The following IGSF9 variants were observed in gnomAD, a reference collection of about 807,000 sequenced individuals.
The protein encoded by IGSF9 is immunoglobulin superfamily member 9.
A neutral mutation model predicts 121.7 loss-of-function variants in IGSF9; 87 were observed. The ratio of observed to expected loss-of-function variants is 0.71; its 90% CI spans 0.60 to 0.85. IGSF9 has a LOEUF of 0.85. Ranked by LOEUF, IGSF9 falls within the 40% of genes least tolerant of loss-of-function variation. IGSF9 has a pLI of 0.00. For synonymous variants in IGSF9, 640 were observed against 648.4 expected (o/e 0.99, Z 0.20); for missense variants, 1,462 against 1,565.3 (o/e 0.93, Z 1.11).
intron 3 of IGSF9, among the ~76,000 whole-genome samples, chr1:159,942,031 G>T (rs1651398467): frequency 6.6e-6 from 1 of 152,256 alleles, no homozygotes; most frequent in South Asian, 2.1e-4. Context: ...AGAGGGAAAA[G>T]GTGGGGGTCT....
intron 3 of IGSF9, 52 bp from the exon 4 acceptor site, chr1:159,937,890 C>T: frequency 5.1e-6 from 8 of 1,570,694 alleles, no homozygotes; most frequent in Non-Finnish European, 6.1e-6. Context: ...ATGGAAGCCC[C>T]AGTCCCCTGG....
At position 159,930,344 on chromosome 1, in the gene IGSF9, G is replaced by A. The variant is rs1480973609; in HGVS notation, c.1909C>T (p.Arg637Trp). 2.5e-6 allele frequency: 4 copies of A among 1,608,220 alleles called. No individual in the cohort carries two copies. The South Asian group carries it at 3.3e-5, about 13-fold the overall frequency. Residue 637 changes from arginine to tryptophan, a missense_variant, in exon 15 of 21, where the codon CGG (arginine) becomes TGG (tryptophan). By Grantham distance (101) the Arg-to-Trp change is moderately radical (BLOSUM62 -3). Transcript: ENST00000368094. ...PRGLVAVRTP[R>W]GVLLHWDPPE... The stretch of plus-strand genomic sequence containing the variant: ...GGATCCCAATGCAGGAGTACCCCCC[G>A]GGGTGTCCTCACTGCCACCAGACCC...
chr1:159,929,775 A>G lies in IGSF9; in HGVS notation c.2189T>C (p.Leu730Pro), dbSNP rs1176407707. 2 of 1,606,624 alleles carry G rather than the reference A, an allele frequency of 1.2e-6. No individual in the cohort carries two copies. The highest frequency in any genetic ancestry group is 2.7e-5 in the African/African-American group (2 of 74,852). Reference protein sequence around the residue: ...VYPSRTQLPGLLPQPVLAGVV... With the variant: ...VYPSRTQLPGPLPQPVLAGVV... ...GCCGGCCAGCACGGGCTGAGGCAGG[A>G]GGCCCGGCAGCTGCGTGCGCGAAGG... is the stretch of plus-strand genomic sequence containing the variant. The change falls in exon 17 of 21, where the codon CTC becomes CCC. Residue 730 changes from leucine to proline, a missense_variant. Leu to Pro is a moderately conservative substitution (Grantham distance 98). Coordinates refer to ENST00000368094, the MANE Select transcript of IGSF9 (RefSeq NM_001135050.2).
chr1:159,942,723 A>G (rs997234027), intron 3 of IGSF9, among the ~76,000 whole-genome samples: 1 of 148,868 alleles, frequency 6.7e-6, no homozygotes, highest in Non-Finnish European at 1.5e-5. Flanking sequence ...AGTCCTAAAT[A>G]GCACAGCTAT....
In IGSF9 at chr1:159,929,793, C is replaced by A; in HGVS notation, c.2171G>T (p.Arg724Leu). The change falls in exon 17 of 21, where the codon CGC (arginine) becomes CTC (leucine). Residue 724 changes from arginine (R) to leucine (L), a missense_variant. By Grantham distance (102) the Arg-to-Leu change is moderately radical (BLOSUM62 -2). Transcript: ENST00000368094. ...AGGCAGGAGGCCCGGCAGCTGCGTG[C>A]GCGAAGGGTAGACCTCCAGACCTAG... ...STSGLEVYPS[R>L]TQLPGLLPQP... The A allele has an allele frequency of 6.2e-7, 1 of 1,605,438 alleles. No homozygotes were observed. The highest frequency in any genetic ancestry group is 8.5e-7 in the Non-Finnish European group (1 of 1,176,880).
Position 159,929,521 on chromosome 1 carries a change from G to C in IGSF9, c.2326+117C>G, listed in dbSNP as rs774568418. On this transcript the variant is annotated intron_variant, in intron 17 of 20. Coordinates refer to ENST00000368094, the MANE Select transcript of IGSF9 (RefSeq NM_001135050.2). ...AAAAGCGTAGGCAGGACCAGATGCA[G>C]GACTAAGAGAATGCACCTGGATCAC... 25 of 1,478,216 alleles carry C rather than the reference G, an allele frequency of 1.7e-5. No homozygotes were observed. The East Asian group carries it at 5.6e-4, about 33-fold the overall frequency. The allele number at this position is 1,478,216 out of a possible 1,614,324, so 91.6% of individuals were successfully genotyped here.
At chr1:159,943,332 G>A (rs1651467068) in intron 2 of IGSF9, 65 bp downstream of exon 2, 23 of 1,446,842 alleles carry the variant, frequency 1.6e-5, no homozygotes, top group Non-Finnish European at 2.1e-5. Context: ...AGGAACCCTT[G>A]AGGAACACCC....
In IGSF9 at chr1:159,937,031, G is replaced by T; in HGVS notation, c.401-123C>A. On this transcript the variant is annotated intron_variant, in intron 4 of 20. Coordinates refer to ENST00000368094, the MANE Select transcript of IGSF9 (RefSeq NM_001135050.2). ...CCCACCCACCAGCCCTGCCTCATAGGAGTCCTCAGCCCAGGGCCACCCTGT... is the reference window on the plus strand; with the variant it reads ...CCCACCCACCAGCCCTGCCTCATAGTAGTCCTCAGCCCAGGGCCACCCTGT... 3.1e-6 allele frequency: 3 copies of T among 965,962 alleles called. No homozygotes were observed. In the South Asian group the frequency reaches 4.8e-5, roughly 15 times the overall value. 59.8% of individuals were successfully genotyped at this position (965,962 alleles called of 1,614,324 possible). A position where few individuals can be genotyped will look rare whatever the true frequency, so the allele number is the denominator to read the frequency against.
chr1:159,934,390 G>C (rs1004634697), intron 8 of IGSF9, 35 bp downstream of exon 8: 49 of 1,568,184 alleles, frequency 3.1e-5, no homozygotes, highest in Non-Finnish European at 4.0e-5. Context: ...CAGGGGAAGG[G>C]AGCAGGCTGA....
At chr1:159,936,648 A>C in intron 5 of IGSF9, 106 bp downstream of exon 5, 1 of 1,535,010 alleles carries the variant, frequency 6.5e-7, no homozygotes. Flanking sequence ...CTTCTGGCCC[A>C]TCCTCCAGCC....
chr1:159,939,940 G>A (rs575501911), intron 3 of IGSF9, among the ~76,000 whole-genome samples: 15 of 152,242 alleles, frequency 9.9e-5, no homozygotes, highest in Non-Finnish European at 1.6e-4. Context: ...TGGCCGCTAA[G>A]CCCTGCAGAC....
Position 159,932,727 on chromosome 1 carries a change from G to C in IGSF9, c.1105-75C>G. 2.1e-6 allele frequency: 3 copies of C among 1,461,050 alleles called. No homozygotes were observed. The highest frequency in any genetic ancestry group is 1.8e-4 in the Middle Eastern group (1 of 5,534). The allele number at this position is 1,461,050 out of a possible 1,614,324, so 90.5% of individuals were successfully genotyped here. ...AGCCCGGGATGGCAGTACAAGAGAG[G>C]GGGCAGGATGAGAAACCCACAGCTG... On this transcript the variant is annotated intron_variant, in intron 9 of 20. Transcript: ENST00000368094. This position sits in a 1 kb window ranked among gnomAD's most constrained non-coding sequence, Gnocchi z 4.1.
chr1:159,934,294 G>T lies in IGSF9; in HGVS notation c.1000C>A (p.Leu334Met). The T allele has an allele frequency of 6.2e-7, 1 of 1,610,666 alleles. No homozygotes were observed. Among genetic ancestry groups the T allele is most frequent in the Non-Finnish European group, 8.5e-7 (1 of 1,178,368 alleles). ...ATCACCCCCGGCATGCCTATGGGCA[G>T]GGGTGTCTCAGGAGGCATAGCTGTC... ...QVTAMPPETP[L>M]PIGMPGVIRC... The change falls in exon 9 of 21, where the codon CTG becomes ATG. Residue 334 changes from leucine to methionine, a missense_variant. By Grantham distance (15) the Leu-to-Met change is conservative. Around this residue, in one of 3 missense-constraint regions of IGSF9, gnomAD observed 558 missense variants for 599.4 expected, o/e 0.93. Coordinates refer to ENST00000368094, the MANE Select transcript of IGSF9 (RefSeq NM_001135050.2).
chr1:159,929,996 C>A, intron 15 of IGSF9, 21 bp from the exon 16 acceptor site: 1 of 1,593,220 alleles, frequency 6.3e-7, no homozygotes, highest in Non-Finnish European at 8.5e-7. Context: ...GATGGGGTAC[C>A]AGGAGGGAGG....
At chr1:159,936,642 T>C in intron 5 of IGSF9, 112 bp downstream of exon 5, 1 of 1,529,480 alleles carries the variant, frequency 6.5e-7, no homozygotes, top group Non-Finnish European at 8.9e-7. Context: ...GCCCTTCTTC[T>C]GGCCCATCCT....
chr1:159,936,842 A>G lies in IGSF9; in HGVS notation c.467T>C (p.Leu156Pro). Residue 156 changes from leucine to proline, a missense_variant, in exon 5 of 21, where the codon CTG (leucine) becomes CCG (proline). Physicochemically the swap from Leu to Pro is moderately conservative, Grantham distance 98 (BLOSUM62 -3). Around this residue, in one of 3 missense-constraint regions of IGSF9, gnomAD observed 558 missense variants for 599.4 expected, o/e 0.93. Transcript: ENST00000368094. ...GGGGCTGCCACGGGCCACACAACGC[A>G]GGGTCACAGGCTCCAGTTCCTGCAC... Reference protein sequence around the residue: ...LEVQELEPVTLRCVARGSPLP... With the variant: ...LEVQELEPVTPRCVARGSPLP... 6.2e-7 allele frequency: 1 copy of G among 1,614,162 alleles called. No individual in the cohort carries two copies. The highest frequency in any genetic ancestry group is 8.5e-7 in the Non-Finnish European group (1 of 1,180,016).
chr1:159,943,447 C>A lies in IGSF9; in HGVS notation c.8G>T (p.Trp3Leu). 3 of 1,583,136 alleles carry A rather than the reference C, an allele frequency of 1.9e-6. No individual in the cohort carries two copies. The highest frequency in any genetic ancestry group is 1.2e-5 in the South Asian group (1 of 86,234). The stretch of plus-strand genomic sequence containing the variant: ...GCTGAGGACGGCCAGGCCGAGGCAC[C>A]ACACCATAGCCCAGCTGGCCTGCTC... MVWCLGLAVLSLV... is the reference protein window; with the variant it reads MVLCLGLAVLSLV... Residue 3 changes from tryptophan to leucine, a missense_variant, in exon 2 of 21, where the codon TGG (tryptophan) becomes TTG (leucine). Trp to Leu is a moderately conservative substitution (Grantham distance 61). This residue lies in a region of IGSF9 where 558 missense variants were observed against 599.4 expected (regional missense o/e 0.93). Coordinates refer to ENST00000368094, the MANE Select transcript of IGSF9 (RefSeq NM_001135050.2).
At chr1:159,935,904 C>G (rs934310981) in intron 6 of IGSF9, among the ~76,000 whole-genome samples, 6 of 152,196 alleles carry the variant, frequency 3.9e-5, no homozygotes, top group African/African-American at 1.4e-4. Flanking sequence ...GCAACACTTC[C>G]CTGTTTCCCC....
rs369688042 is a variant in IGSF9 at position 159,936,828 on chromosome 1, G to A, written c.481C>T (p.Arg161Cys). The change falls in exon 5 of 21, where the codon CGT (arginine) becomes TGT (cysteine). Residue 161 changes from arginine to cysteine, a missense_variant. Physicochemically the swap from Arg to Cys is radical, Grantham distance 180. This residue lies in a region of IGSF9 where 558 missense variants were observed against 599.4 expected (regional missense o/e 0.93). Coordinates refer to ENST00000368094, the MANE Select transcript of IGSF9 (RefSeq NM_001135050.2). ...LEPVTLRCVA[R>C]GSPLPHVTWK... Reference sequence around the variant, plus strand: ...GTCACATGAGGCAGGGGGCTGCCACGGGCCACACAACGCAGGGTCACAGGC... The same window carrying A: ...GTCACATGAGGCAGGGGGCTGCCACAGGCCACACAACGCAGGGTCACAGGC... 31 of 1,614,098 alleles carry A rather than the reference G, an allele frequency of 1.9e-5. No homozygotes were observed. The highest frequency in any genetic ancestry group is 5.3e-5 in the African/African-American group (4 of 74,956).
Sources: allele counts gnomAD v4.1 joint callset (sites outside exome capture counted in the v4.1 genomes callset), GRCh38; gene constraint gnomAD v4.1.1; regional missense constraint gnomAD v4.1.1; non-coding constraint Gnocchi (gnomAD v3.1); transcripts MANE v1.5; gene names NCBI Gene and HGNC (gene_info 2026-07-23, HGNC 2026-07-21).